Variants in METTL15 observed in about 807,000 individuals in gnomAD.
The protein encoded by METTL15 is methyltransferase 15, mitochondrial 12S rRNA N4-cytidine.
Under a neutral mutation model 38.3 loss-of-function variants are expected in METTL15, and 34 were observed. The observed-to-expected ratio is 0.89, with a 90% CI of 0.68 to 1.18. The LOEUF (loss-of-function observed/expected upper bound fraction) is 1.18. METTL15 is among the 50% of genes most tolerant of loss of function. METTL15 has a pLI of 0.00. For synonymous variants in METTL15, 162 were observed against 170.9 expected (o/e 0.95, Z 0.41); for missense variants, 438 against 498.4 (o/e 0.88, Z 1.15).
intron 6 of METTL15, among the ~76,000 whole-genome samples, chr11:28,508,754 A>T (rs1851650470): frequency 6.6e-6 from 1 of 152,224 alleles, no homozygotes; most frequent in Non-Finnish European, 1.5e-5. Context: ...ATGCTGATTT[A>T]AGAATGGGCT....
chr11:28,376,793 G>A (rs1230975410), intron 5 of METTL15, among the ~76,000 whole-genome samples: 2 of 149,958 alleles, frequency 1.3e-5, no homozygotes, highest in African/African-American at 4.9e-5. Context: ...TGCAGCGGCT[G>A]GTACCGGTTG....
chr11:28,464,202 T>A (rs773654215), intron 6 of METTL15, among the ~76,000 whole-genome samples: 5 of 152,182 alleles, frequency 3.3e-5, no homozygotes, highest in African/African-American at 4.8e-5. Context: ...TAAGGCCTTC[T>A]AATGCATTCT....
chr11:28,262,341 A>T (rs1205098319), intron 4 of METTL15, among the ~76,000 whole-genome samples: 1 of 151,010 alleles, frequency 6.6e-6, no homozygotes, highest in South Asian at 2.1e-4. Context: ...GCATACAGAT[A>T]TATACACTAT....
At chr11:28,212,709 TG>T (rs1424931173) in intron 4 of METTL15, among the ~76,000 whole-genome samples, 1 of 152,196 alleles carries the variant, frequency 6.6e-6, no homozygotes, top group Non-Finnish European at 1.5e-5. Flanking sequence ...AAAAAAGTTT[TG>T]TACATGTCTA....
At chr11:28,389,785 T>A (rs1166535224) in intron 5 of METTL15, among the ~76,000 whole-genome samples, 1 of 151,694 alleles carries the variant, frequency 6.6e-6, no homozygotes, top group Non-Finnish European at 1.5e-5. Context: ...TTTCTAGTTC[T>A]AGATCCCTGA....
chr11:28,339,640 G>A (rs1415081677), intron 3 of METTL15, among the ~76,000 whole-genome samples: 1 of 151,854 alleles, frequency 6.6e-6, no homozygotes, highest in African/African-American at 2.4e-5. Flanking sequence ...CAGCAACAAT[G>A]TAGCAGAAGC....
chr11:28,480,533 A>G (rs73432959), intron 6 of METTL15, among the ~76,000 whole-genome samples: 63 of 152,328 alleles, frequency 4.1e-4, no homozygotes, highest in African/African-American at 1.4e-3. Flanking sequence ...CTGGAAATGT[A>G]ATGACAGCTC....
intron 4 of METTL15, among the ~76,000 whole-genome samples, chr11:28,275,990 A>C (rs757750271): frequency 3.9e-5 from 6 of 152,132 alleles, no homozygotes; most frequent in Non-Finnish European, 5.9e-5. Flanking sequence ...AGCTAACATC[A>C]TACTGAATAA....
At chr11:28,165,214 G>T (rs766375053) in intron 3 of METTL15, among the ~76,000 whole-genome samples, 1 of 152,038 alleles carries the variant, frequency 6.6e-6, no homozygotes, top group Non-Finnish European at 1.5e-5. Flanking sequence ...GAATTTGATT[G>T]CTAGGCCATA....
chr11:28,250,422 A>G (rs559397773), intron 4 of METTL15, among the ~76,000 whole-genome samples: 2 of 152,044 alleles, frequency 1.3e-5, no homozygotes, highest in Admixed American at 6.6e-5. Flanking sequence ...CTGGTTTGAG[A>G]TGGTACCACA....
At chr11:28,460,065 A>G (rs1288865514) in intron 6 of METTL15, among the ~76,000 whole-genome samples, 3 of 152,058 alleles carry the variant, frequency 2.0e-5, no homozygotes. Context: ...CCAGGTTTAA[A>G]TAAACACATT....
Position 28,113,608 on chromosome 11 carries a change from A to G in METTL15, c.270+4A>G. The stretch of plus-strand genomic sequence containing the variant: ...TTTGTCACCACAAAAAGGACAGGTG[A>G]GTTGAATTTTTATTTTTTAGCAAGT... On this transcript the variant is annotated splice_donor_region_variant and intron_variant, in intron 3 of 6. Coordinates refer to ENST00000407364, the MANE Select transcript of METTL15 (RefSeq NM_001113528.2). 6.3e-7 allele frequency: 1 copy of G among 1,596,550 alleles called. No individual in the cohort carries two copies.
At chr11:28,216,364 A>G (rs1852869912) in intron 4 of METTL15, among the ~76,000 whole-genome samples, 1 of 152,172 alleles carries the variant, frequency 6.6e-6, no homozygotes, top group Non-Finnish European at 1.5e-5. Flanking sequence ...AAATATTTTA[A>G]TTCATTGAGA....
Position 28,507,440 on chromosome 11 carries a change from AAC to A in METTL15, c.*425-19034_*425-19033del, listed in dbSNP as rs199623030. 7.9e-3 allele frequency among the ~76,000 whole-genome samples: 1,205 copies of A among 152,268 alleles called. 22 individuals carry two copies. The highest frequency in any genetic ancestry group is 0.027 in the African/African-American group (1,133 of 41,558). On this transcript the variant is annotated intron_variant and NMD_transcript_variant, in intron 6 of 7. Coordinates refer to the METTL15 transcript ENST00000532947. Reference sequence around the variant, plus strand: ...TCACCTCCCACCAGGCCCCTCCTCCAACACAGGGGATTACAATTTGACCTGAG... The same window carrying A: ...TCACCTCCCACCAGGCCCCTCCTCCAACAGGGGATTACAATTTGACCTGAG...
chr11:28,317,489 CAG>C (rs563562574), intron 6 of METTL15, among the ~76,000 whole-genome samples: 233 of 152,048 alleles, frequency 1.5e-3, no homozygotes, highest in African/African-American at 5.4e-3. Flanking sequence ...CCCTACCACT[CAG>C]GGGGAATTGC....
chr11:28,140,794 A>G (rs1849671697), intron 3 of METTL15, among the ~76,000 whole-genome samples: 1 of 152,160 alleles, frequency 6.6e-6, no homozygotes, highest in African/African-American at 2.4e-5. Flanking sequence ...TGTGTTCCCT[A>G]CTTGTATAAG....
At position 28,505,450 on chromosome 11, in the gene METTL15, CTCTG is replaced by C. The variant is rs1449410159; in HGVS notation, c.*425-21024_*425-21021del. 3.9e-5 allele frequency among the ~76,000 whole-genome samples: 6 copies of C among 152,174 alleles called. No individual in the cohort carries two copies. The East Asian group carries it at 7.7e-4, about 20-fold the overall frequency. ...TACCTGGAATGTTCTTTCTGGTCAG[CTCTG>C]TCTAACTAATTATCTCCGCCCATTA... is the stretch of plus-strand genomic sequence containing the variant. On this transcript the variant is annotated intron_variant and NMD_transcript_variant, in intron 6 of 7. Coordinates refer to the METTL15 transcript ENST00000532947.
chr11:28,263,852 G>A (rs1385057883), intron 4 of METTL15, among the ~76,000 whole-genome samples: 6 of 151,652 alleles, frequency 4.0e-5, no homozygotes, highest in Non-Finnish European at 8.8e-5. Context: ...TAAAAGTATG[G>A]TTGTATTCTG....
chr11:28,398,096 G>T (rs1229398754), intron 5 of METTL15, among the ~76,000 whole-genome samples: 1 of 151,994 alleles, frequency 6.6e-6, no homozygotes, highest in Non-Finnish European at 1.5e-5. Flanking sequence ...TGTGGGGTGG[G>T]GGGAGGTGGG....
Sources: gnomAD v4.1 joint callset for allele counts (sites outside exome capture counted in the v4.1 genomes callset) on GRCh38, gnomAD v4.1.1 for gene constraint, MANE v1.5 for transcripts, NCBI Gene and HGNC (gene_info 2026-07-23, HGNC 2026-07-21) for gene names.